Variants in LRRTM4 observed in about 807,000 individuals in gnomAD.
LRRTM4 encodes the protein leucine rich repeat transmembrane neuronal 4.
In LRRTM4, 25 loss-of-function variants were observed where a neutral mutation model predicts 47.6. The ratio of observed to expected loss-of-function variants is 0.53; its 90% CI spans 0.38 to 0.73. LRRTM4 has a LOEUF of 0.73. LRRTM4 is among the 30% of genes least tolerant of loss of function. The probability of loss-of-function intolerance (pLI) is 0.00; values close to 1 mark genes in which losing one functional copy is unlikely to be tolerated. For missense variants in LRRTM4, 638 were observed against 713.4 expected, an observed-to-expected ratio of 0.89 and a Z score of 1.20; for synonymous variants, 311 against 269.5, an observed-to-expected ratio of 1.15 and a Z score of -1.51.
At chr2:76,819,101 G>C (rs1453596086) in intron 3 of LRRTM4, among the ~76,000 whole-genome samples, 1 of 151,516 alleles carries the variant, frequency 6.6e-6, no homozygotes, top group Non-Finnish European at 1.5e-5. Context: ...CGACAAATGA[G>C]GTTTGATTAA....
intron 3 of LRRTM4, among the ~76,000 whole-genome samples, chr2:77,349,955 C>T (rs1671698169): frequency 6.6e-6 from 1 of 152,092 alleles, no homozygotes; most frequent in South Asian, 2.1e-4. Flanking sequence ...GCACTAGGTT[C>T]AGAATCTTTA....
chr2:76,817,405 G>A (rs1670932723), intron 3 of LRRTM4, among the ~76,000 whole-genome samples: 1 of 151,978 alleles, frequency 6.6e-6, no homozygotes. Flanking sequence ...CCTGTGCAAA[G>A]TGAAGTTGGG....
intron 3 of LRRTM4, among the ~76,000 whole-genome samples, chr2:77,044,896 T>C (rs944006180): frequency 6.6e-6 from 1 of 151,616 alleles, no homozygotes; most frequent in African/African-American, 2.4e-5. Context: ...TACATATATA[T>C]GTGTATGTAG....
chr2:77,514,430 G>C (rs1039581326), intron 3 of LRRTM4, among the ~76,000 whole-genome samples: 4 of 152,000 alleles, frequency 2.6e-5, no homozygotes, highest in African/African-American at 9.7e-5. Flanking sequence ...AAAGTTGTTA[G>C]AAATGGTTTA....
chr2:77,415,339 C>A (rs1009619822), intron 3 of LRRTM4, among the ~76,000 whole-genome samples: 3 of 152,068 alleles, frequency 2.0e-5, no homozygotes, highest in African/African-American at 7.2e-5. Flanking sequence ...AGGCTCTACC[C>A]TATAATATAT....
intron 3 of LRRTM4, among the ~76,000 whole-genome samples, chr2:77,393,292 A>C (rs1397083258): frequency 4.6e-5 from 7 of 152,100 alleles, no homozygotes; most frequent in Middle Eastern, 3.4e-3. Flanking sequence ...CACGGCATAG[A>C]GTCTACCAGG....
chr2:76,856,191 C>T (rs1408926477), intron 3 of LRRTM4, among the ~76,000 whole-genome samples: 1 of 152,148 alleles, frequency 6.6e-6, no homozygotes, highest in Non-Finnish European at 1.5e-5. Context: ...GCAAGAGAAT[C>T]CCTTGAACCC....
intron 3 of LRRTM4, among the ~76,000 whole-genome samples, chr2:76,795,600 C>T (rs1347825694): frequency 9.3e-5 from 7 of 74,948 alleles, no homozygotes; most frequent in South Asian, 4.4e-4. Flanking sequence ...CATACACACA[C>T]ACTACATTTT....
chr2:77,303,651 A>T (rs1677198085), intron 3 of LRRTM4, among the ~76,000 whole-genome samples: 1 of 152,180 alleles, frequency 6.6e-6, no homozygotes, highest in Non-Finnish European at 1.5e-5. Context: ...CCATTCAATT[A>T]TCTACTTCTA....
chr2:77,445,427 C>A (rs1264668050), intron 3 of LRRTM4, among the ~76,000 whole-genome samples: 1 of 151,888 alleles, frequency 6.6e-6, no homozygotes, highest in Non-Finnish European at 1.5e-5. Flanking sequence ...CACTTGTACA[C>A]CAAATGCCCA....
intron 3 of LRRTM4, among the ~76,000 whole-genome samples, chr2:76,795,110 CGAGA>C (rs1217466553): frequency 4.0e-5 from 6 of 151,494 alleles, no homozygotes; most frequent in Non-Finnish European, 8.8e-5. Context: ...TGCTCAATAC[CGAGA>C]GATTTACTAA....
intron 3 of LRRTM4, among the ~76,000 whole-genome samples, chr2:77,491,638 A>G (rs531413271): frequency 2.6e-5 from 4 of 151,932 alleles, no homozygotes; most frequent in South Asian, 4.1e-4. Context: ...AATAAGAAAT[A>G]GTATTAAAAA....
chr2:77,234,860 A>G (rs1045777381), intron 3 of LRRTM4, among the ~76,000 whole-genome samples: 3 of 152,136 alleles, frequency 2.0e-5, no homozygotes, highest in Non-Finnish European at 2.9e-5. Flanking sequence ...CACTCAGATA[A>G]TGAACCTGGT....
intron 3 of LRRTM4, among the ~76,000 whole-genome samples, chr2:77,003,821 T>C (rs569146110): frequency 6.0e-4 from 92 of 152,122 alleles, no homozygotes; most frequent in Non-Finnish European, 1.1e-3. Flanking sequence ...GACAGAAACA[T>C]GTGGAAAAGT....
At chr2:77,176,526 CT>C (rs1248155996) in intron 3 of LRRTM4, among the ~76,000 whole-genome samples, 1 of 152,138 alleles carries the variant, frequency 6.6e-6, no homozygotes, top group Admixed American at 6.6e-5. Flanking sequence ...CAATCTCTTT[CT>C]TTTTTTCCTG....
intron 3 of LRRTM4, among the ~76,000 whole-genome samples, chr2:76,783,472 A>G (rs1020735755): frequency 3.3e-5 from 5 of 152,150 alleles, no homozygotes; most frequent in African/African-American, 1.2e-4. Context: ...GTGCCACATC[A>G]TGACCATCTA....
intron 3 of LRRTM4, among the ~76,000 whole-genome samples, chr2:77,068,638 G>T (rs961625569): frequency 2.6e-5 from 4 of 152,122 alleles, no homozygotes; most frequent in African/African-American, 9.7e-5. Flanking sequence ...CTATGTTATG[G>T]TACTTCATTT....
rs1558752060 is a variant in LRRTM4, at chr2:77,457,024, ATATATATATATATATATATATATATATG to A, written c.1551+61266_1551+61293del. Among the ~76,000 whole-genome samples, 21 of 21,794 alleles carry A rather than the reference ATATATATATATATATATATATATATATG, an allele frequency of 9.6e-4. 2 individuals carry two copies. The highest frequency in any genetic ancestry group is 0.019 in the Middle Eastern group (1 of 52). The allele number at this position is 21,794 out of a possible 152,430, so 14.3% of individuals were successfully genotyped here. A position where few individuals can be genotyped will look rare whatever the true frequency, so the allele number is the denominator to read the frequency against. On this transcript the variant is annotated intron_variant, in intron 3 of 3. Transcript: ENST00000409884. ...TGTGTGTATATATATATATATATAT[ATATATATATATATATATATATATATATG>A]TATAACCTGGAACTCTTTGACAAGC...
At chr2:77,011,218 C>T (rs115546567) in intron 3 of LRRTM4, among the ~76,000 whole-genome samples, 3,487 of 152,218 alleles carry the variant, frequency 0.023, 144 homozygotes, top group African/African-American at 0.08. Context: ...ATAATTTCAA[C>T]ATGTAATCAC....
Sources: gnomAD v4.1 joint callset for allele counts (sites outside exome capture counted in the v4.1 genomes callset) on GRCh38, gnomAD v4.1.1 for gene constraint, MANE v1.5 for transcripts, NCBI Gene and HGNC (gene_info 2026-07-23, HGNC 2026-07-21) for gene names.